The following DCTN4 variants were observed in gnomAD, a reference collection of about 807,000 sequenced individuals.
DCTN4 encodes the protein dynactin 4 (p62).
A neutral mutation model predicts 62.7 loss-of-function variants in DCTN4; 23 were observed. The ratio of observed to expected loss-of-function variants is 0.37; its 90% CI spans 0.26 to 0.52. The LOEUF is 0.52. Among genes scored for constraint, DCTN4 ranks in the 20% least tolerant of loss-of-function variants. The pLI is 0.92. For missense variants in DCTN4, 514 were observed against 580.4 expected (o/e 0.89, Z 1.18); for synonymous variants, 199 against 202.1 (o/e 0.98, Z 0.13).
intron 5 of DCTN4, 31 bp from the exon 6 acceptor site, chr5:150,731,520 A>G: frequency 6.3e-7 from 1 of 1,589,490 alleles, no homozygotes; most frequent in Non-Finnish European, 8.6e-7. Context: ...CCTATTAGAA[A>G]GTCCACTTTT....
intron 8 of DCTN4, among the ~76,000 whole-genome samples, chr5:150,727,796 A>C (rs989747129): frequency 8.6e-5 from 10 of 115,686 alleles, no homozygotes; most frequent in South Asian, 2.8e-4. Flanking sequence ...AAAAAAAAAA[A>C]ACAAAAAACC....
intron 3 of DCTN4, among the ~76,000 whole-genome samples, chr5:150,748,483 C>G (rs942144255): frequency 6.6e-6 from 1 of 151,806 alleles, no homozygotes; most frequent in African/African-American, 2.4e-5. Context: ...AAGACACATG[C>G]ACACATATGT....
intron 4 of DCTN4, chr5:150,733,909 G>A (rs1165563272): frequency 1.3e-5 from 2 of 154,488 alleles, no homozygotes; most frequent in Non-Finnish European, 2.9e-5. Context: ...GTTCAAACCA[G>A]GATGGGCACA....
chr5:150,741,523 T>C (rs1423202620), intron 4 of DCTN4, among the ~76,000 whole-genome samples: 1 of 151,742 alleles, frequency 6.6e-6, no homozygotes, highest in Non-Finnish European at 1.5e-5. Context: ...CTCTATTGCC[T>C]AGGATGGAGC....
chr5:150,744,127 G>C (rs1760871038), intron 3 of DCTN4, among the ~76,000 whole-genome samples: 1 of 152,204 alleles, frequency 6.6e-6, no homozygotes, highest in Non-Finnish European at 1.5e-5. Context: ...CAAGGCTCGA[G>C]AACTACATGA....
intron 4 of DCTN4, among the ~76,000 whole-genome samples, chr5:150,735,310 A>T (rs1314703015): frequency 2.6e-5 from 4 of 152,230 alleles, no homozygotes; most frequent in Non-Finnish European, 5.9e-5. Flanking sequence ...GGCTAACCAG[A>T]GGTCCTGAGT....
rs74508877 is a variant in DCTN4 at position 150,715,472 on chromosome 5, T to A, written c.1169+93A>T. 5.2e-3 allele frequency: 4,915 copies of A among 943,814 alleles called. 178 individuals are homozygous for A. The African/African-American group carries it at 0.073, about 14-fold the overall frequency. 58.5% of individuals were successfully genotyped at this position (943,814 alleles called of 1,614,324 possible). On this transcript the variant is annotated intron_variant, in intron 12 of 12. Transcript: ENST00000447998. ...ATTTTTAGAAACAGGAAGAAAAAAG[T>A]TATTTTAAAAAATCCAGACAAGAAA...
At chr5:150,745,836 C>G (rs1274716033) in intron 3 of DCTN4, among the ~76,000 whole-genome samples, 21 of 151,704 alleles carry the variant, frequency 1.4e-4, no homozygotes, top group South Asian at 2.1e-4. Flanking sequence ...ACAAGAGAAA[C>G]CAGGAAAGAT....
chr5:150,725,107 G>A (rs1423458486), intron 8 of DCTN4, among the ~76,000 whole-genome samples: 5 of 141,758 alleles, frequency 3.5e-5, no homozygotes, highest in African/African-American at 8.1e-5. Context: ...GCAGTGAGCC[G>A]AGATCACGCC....
rs1039865667 is a variant in DCTN4 at position 150,710,068 on chromosome 5, A to C, written c.*1081T>G. On this transcript the variant is annotated 3_prime_UTR_variant, in exon 13 of 13. Coordinates refer to ENST00000447998, the MANE Select transcript of DCTN4 (RefSeq NM_016221.4). ...CAATCAAAATGGTCTTATTTGACTC[A>C]CCACATGACAAAAGTCTTAAACTTA... is the stretch of plus-strand genomic sequence containing the variant. 2.6e-5 allele frequency: 4 copies of C among 152,358 alleles called. No individual in the cohort carries two copies. The highest frequency in any genetic ancestry group is 9.6e-5 in the African/African-American group (4 of 41,460). The allele number at this position is 152,358 out of a possible 1,614,324, so 9.4% of individuals were successfully genotyped here. A position where few individuals can be genotyped will look rare whatever the true frequency, so the allele number is the denominator to read the frequency against.
chr5:150,714,880 C>A (rs576231528), intron 12 of DCTN4, among the ~76,000 whole-genome samples: 15 of 152,290 alleles, frequency 9.8e-5, no homozygotes, highest in African/African-American at 3.6e-4. Context: ...AACTATTTCC[C>A]TTTGTTCCCT....
intron 9 of DCTN4, 41 bp from the exon 10 acceptor site, chr5:150,719,811 C>T (rs370794760): frequency 7.8e-7 from 1 of 1,288,664 alleles, no homozygotes; most frequent in Non-Finnish European, 1.1e-6. Flanking sequence ...TCATTGGAGT[C>T]TCTTAAAATT....
At chr5:150,753,022 C>G (rs1752732462) in intron 3 of DCTN4, among the ~76,000 whole-genome samples, 1 of 152,026 alleles carries the variant, frequency 6.6e-6, no homozygotes, top group Non-Finnish European at 1.5e-5. Context: ...GCCCCCACCA[C>G]GCCCAGCTAA....
chr5:150,747,276 A>G (rs1752486035), intron 3 of DCTN4, among the ~76,000 whole-genome samples: 4 of 152,240 alleles, frequency 2.6e-5, no homozygotes, highest in Admixed American at 2.6e-4. Flanking sequence ...ACCACTGCTC[A>G]AGGAAATAAA....
intron 3 of DCTN4, among the ~76,000 whole-genome samples, chr5:150,751,225 T>G (rs1752665996): frequency 6.6e-6 from 1 of 152,126 alleles, no homozygotes; most frequent in Non-Finnish European, 1.5e-5. Flanking sequence ...ACTTAAGTGG[T>G]TTCAGGGCTT....
At chr5:150,717,798 A>G (rs191008100) in intron 11 of DCTN4, among the ~76,000 whole-genome samples, 1 of 152,320 alleles carries the variant, frequency 6.6e-6, no homozygotes, top group East Asian at 1.9e-4. Context: ...AACCCATTGG[A>G]TCTGTCTGGA....
Position 150,723,895 on chromosome 5 carries a change from A to G in DCTN4, c.835-915T>C, listed in dbSNP as rs150582704. ...CTTGGAATTAATTCCATTTCAGTAC[A>G]TATAGAGAGGCCTCTGTGTCCCACT... is the stretch of plus-strand genomic sequence containing the variant. On this transcript the variant is annotated intron_variant, in intron 8 of 12. Coordinates refer to ENST00000447998, the MANE Select transcript of DCTN4 (RefSeq NM_016221.4). Among the ~76,000 whole-genome samples, 1,379 of 152,248 alleles carry G rather than the reference A, an allele frequency of 9.1e-3. 18 individuals are homozygous for G. The highest frequency in any genetic ancestry group is 0.029 in the African/African-American group (1,220 of 41,548).
intron 2 of DCTN4, among the ~76,000 whole-genome samples, chr5:150,755,992 T>A (rs1752845837): frequency 6.6e-6 from 1 of 151,790 alleles, no homozygotes; most frequent in Non-Finnish European, 1.5e-5. Flanking sequence ...GCAATGGTGA[T>A]GCTTAAAAAT....
intron 11 of DCTN4, among the ~76,000 whole-genome samples, chr5:150,716,415 A>G (rs17111290): frequency 0.02 from 3,023 of 152,284 alleles, 92 homozygotes; most frequent in African/African-American, 0.067. Context: ...ATGGTCATGG[A>G]AAACAATTAG....
Sources: gnomAD v4.1 joint callset for allele counts (sites outside exome capture counted in the v4.1 genomes callset) on GRCh38, gnomAD v4.1.1 for gene constraint, MANE v1.5 for transcripts, NCBI Gene and HGNC (gene_info 2026-07-23, HGNC 2026-07-21) for gene names.